The following GLI2 variants were observed in gnomAD, a reference collection of about 807,000 sequenced individuals.
GLI2 encodes the protein GLI family zinc finger 2.
A neutral mutation model predicts 78.9 loss-of-function variants in GLI2; 22 were observed. The ratio of observed to expected loss-of-function variants is 0.28; its 90% CI spans 0.20 to 0.40. GLI2 has a LOEUF of 0.40. Ranked by LOEUF, GLI2 falls within the 10% of genes least tolerant of loss-of-function variation. The probability of loss-of-function intolerance (pLI) is 1.00; values close to 1 mark genes in which losing one functional copy is unlikely to be tolerated. For missense variants in GLI2, 2,097 were observed against 2,213.2 expected, an observed-to-expected ratio of 0.95 and a Z score of 1.05; for synonymous variants, 974 against 963.7, an observed-to-expected ratio of 1.01 and a Z score of -0.20.
intron 2 of GLI2, among the ~76,000 whole-genome samples, chr2:120,802,692 G>T (rs1239169377): frequency 6.6e-6 from 1 of 152,172 alleles, no homozygotes; most frequent in Non-Finnish European, 1.5e-5. Flanking sequence ...GAAAGGTGGA[G>T]CCATGAAACC....
At chr2:120,954,471 A>G (rs1326363136) in intron 4 of GLI2, among the ~76,000 whole-genome samples, 1 of 152,188 alleles carries the variant, frequency 6.6e-6, no homozygotes, top group Non-Finnish European at 1.5e-5. Flanking sequence ...TGCCAAGTGC[A>G]TAAGAGAGCT....
intron 1 of GLI2, among the ~76,000 whole-genome samples, chr2:120,771,461 A>G (rs1683519923): frequency 6.6e-6 from 1 of 152,136 alleles, no homozygotes; most frequent in Admixed American, 6.5e-5. Context: ...CTTCCTTTCA[A>G]CTTAGAGTTC....
At chr2:120,829,626 A>G (rs1686259203) in intron 2 of GLI2, among the ~76,000 whole-genome samples, 1 of 152,226 alleles carries the variant, frequency 6.6e-6, no homozygotes. Context: ...GTTGGCTGAT[A>G]TCGTCATTAT....
intron 2 of GLI2, among the ~76,000 whole-genome samples, chr2:120,845,346 G>A (rs1400406832): frequency 1.3e-5 from 2 of 152,182 alleles, no homozygotes; most frequent in Non-Finnish European, 2.9e-5. Flanking sequence ...TCATTAAGAC[G>A]ATGACATGTC....
rs1682207025 is a variant in GLI2 at position 120,972,047 on chromosome 2, C to A, written c.1166C>A (p.Pro389His). 1.2e-6 allele frequency: 2 copies of A among 1,613,320 alleles called. No homozygotes were observed. The highest frequency in any genetic ancestry group is 1.7e-6 in the Non-Finnish European group (2 of 1,179,964). The change falls in exon 8 of 14, where the codon CCT (proline) becomes CAT (histidine). Residue 389 changes from proline to histidine, a missense_variant. By Grantham distance (77) the Pro-to-His change is moderately conservative. Coordinates refer to ENST00000361492, the MANE Select transcript of GLI2 (RefSeq NM_001374353.1). ...TEPEGLRPASPLALTQEQLAD... is the reference protein window; with the variant it reads ...TEPEGLRPASHLALTQEQLAD... ...CCTGAGGGCCTGCGGCCGGCCTCCCCTCTGGCGCTGACGCAGGTAACCTGC... is the reference window on the plus strand; with the variant it reads ...CCTGAGGGCCTGCGGCCGGCCTCCCATCTGGCGCTGACGCAGGTAACCTGC...
At position 120,984,769 on chromosome 2, in the gene GLI2, A is replaced by T. The variant is rs751156299; in HGVS notation, c.1905+26A>T. On this transcript the variant is annotated intron_variant, in intron 12 of 13. Transcript: ENST00000361492. ...GTAAGCGGAGCTGGGCAGCCCAGCC[A>T]CGCAAGGCGACTCCATAGCCGTGCC... 1.8e-5 allele frequency: 29 copies of T among 1,609,124 alleles called. No homozygotes were observed. The East Asian group carries it at 6.5e-4, about 36-fold the overall frequency.
intron 2 of GLI2, among the ~76,000 whole-genome samples, chr2:120,925,807 T>G (rs1401220802): frequency 6.6e-6 from 1 of 152,016 alleles, no homozygotes; most frequent in Non-Finnish European, 1.5e-5. Flanking sequence ...GCGTGGTGGC[T>G]CACGCCTGTA....
At chr2:120,786,522 T>A (rs1684001657) in intron 1 of GLI2, among the ~76,000 whole-genome samples, 1 of 149,746 alleles carries the variant, frequency 6.7e-6, no homozygotes, top group African/African-American at 2.5e-5. Context: ...AGTGTGTCAG[T>A]GCTCAAAAAG....
chr2:120,798,076 G>A (rs924676965), intron 2 of GLI2, among the ~76,000 whole-genome samples: 17 of 152,234 alleles, frequency 1.1e-4, no homozygotes, highest in South Asian at 6.2e-4. Context: ...CGAGACCTCC[G>A]CTGTGTCTGC....
At chr2:120,977,682 G>A (rs572932949) in intron 9 of GLI2, among the ~76,000 whole-genome samples, 2 of 152,324 alleles carry the variant, frequency 1.3e-5, no homozygotes, top group African/African-American at 4.8e-5. Flanking sequence ...CGAGATACGC[G>A]GCAGGGTTAG....
intron 2 of GLI2, among the ~76,000 whole-genome samples, chr2:120,834,747 G>A (rs1686524756): frequency 6.6e-6 from 1 of 152,186 alleles, no homozygotes; most frequent in South Asian, 2.1e-4. Context: ...TCAGATGCCT[G>A]TGTCCCCCTG....
chr2:120,796,957 C>A (rs1684425105), intron 1 of GLI2, among the ~76,000 whole-genome samples: 1 of 152,124 alleles, frequency 6.6e-6, no homozygotes. Context: ...TTATTTTCCC[C>A]ATGATTCACA....
chr2:120,773,538 G>T (rs1382229757), intron 1 of GLI2, among the ~76,000 whole-genome samples: 2 of 152,216 alleles, frequency 1.3e-5, no homozygotes, highest in African/African-American at 4.8e-5. Flanking sequence ...GCTGTCTGCG[G>T]CTGCCAGCTG....
chr2:120,754,718 GCTT>G (rs1396765520), intron 1 of GLI2, among the ~76,000 whole-genome samples: 2 of 152,172 alleles, frequency 1.3e-5, no homozygotes, highest in East Asian at 3.8e-4. Flanking sequence ...AAGTGAGGTT[GCTT>G]TGAACATTTC....
At chr2:120,906,323 CA>C (rs1678530658) in intron 2 of GLI2, among the ~76,000 whole-genome samples, 1 of 152,188 alleles carries the variant, frequency 6.6e-6, no homozygotes, top group African/African-American at 2.4e-5. Flanking sequence ...GCCCGGAGCC[CA>C]GGGGTGCTGG....
In GLI2 at chr2:120,988,401, C is replaced by T. The variant is rs754600675; in HGVS notation, c.2436C>T (p.Tyr812=). ...GCCGCTCCTCCGGCATCTCCCCCTACTTCTCCAGCCGCCGCTCCAGCGAGG... is the reference window on the plus strand; with the variant it reads ...GCCGCTCCTCCGGCATCTCCCCCTATTTCTCCAGCCGCCGCTCCAGCGAGG... ...VSRRSSGISP[Y]FSSRRSSEAS... is the part of the protein sequence containing the mutation. Residue 812 remains tyrosine, a synonymous_variant, in exon 14 of 14, where the codon TAC becomes TAT. Transcript: ENST00000361492. 1.3e-6 allele frequency: 2 copies of T among 1,571,702 alleles called. No individual in the cohort carries two copies. Among genetic ancestry groups the T allele is most frequent in the South Asian group, 1.2e-5 (1 of 86,904 alleles).
intron 2 of GLI2, among the ~76,000 whole-genome samples, chr2:120,899,957 C>A (rs1430498074): frequency 6.6e-6 from 1 of 152,204 alleles, no homozygotes; most frequent in African/African-American, 2.4e-5. Flanking sequence ...AGCCCCAACT[C>A]CAGCTTCTGA....
At chr2:120,897,495 G>A (rs1678037323) in intron 2 of GLI2, among the ~76,000 whole-genome samples, 1 of 152,218 alleles carries the variant, frequency 6.6e-6, no homozygotes, top group African/African-American at 2.4e-5. Context: ...AGGAGTAAAT[G>A]TGTTACTTTG....
chr2:120,907,986 C>G (rs1304529684), intron 2 of GLI2, among the ~76,000 whole-genome samples: 1 of 152,178 alleles, frequency 6.6e-6, no homozygotes, highest in African/African-American at 2.4e-5. Flanking sequence ...GATCCTTTTT[C>G]ACCACCTGGT....
Sources: allele counts gnomAD v4.1 joint callset (sites outside exome capture counted in the v4.1 genomes callset), GRCh38; gene constraint gnomAD v4.1.1; transcripts MANE v1.5; gene names NCBI Gene and HGNC (gene_info 2026-07-23, HGNC 2026-07-21).